Variants in VAC14 observed in about 807,000 individuals in gnomAD.
The protein encoded by VAC14 is protein VAC14 homolog.
Under a neutral mutation model 85.3 loss-of-function variants are expected in VAC14, and 47 were observed. That is an observed-to-expected ratio of 0.55 (90% CI 0.44 to 0.70). VAC14 has a LOEUF of 0.70. Ranked by LOEUF, VAC14 falls within the 30% of genes least tolerant of loss-of-function variation. The pLI is 0.00. For synonymous variants in VAC14, 447 were observed against 430.5 expected (o/e 1.04, Z -0.47); for missense variants, 861 against 1,004.3 (o/e 0.86, Z 1.93).
intron 9 of VAC14, chr16:70,778,506 A>G (rs2033640437): frequency 6.6e-6 from 1 of 152,182 alleles, no homozygotes; most frequent in Admixed American, 6.5e-5. Context: ...TCAACTAGGT[A>G]GTTTTTAGTA....
Position 70,762,965 on chromosome 16 carries a change from G to A in VAC14, c.1221C>T (p.His407=). The change falls in exon 11 of 19, where the codon CAC becomes CAT. Residue 407 remains histidine, a synonymous_variant. Coordinates refer to ENST00000261776, the MANE Select transcript of VAC14 (RefSeq NM_018052.5). This position sits in a 1 kb window ranked among gnomAD's most constrained non-coding sequence, Gnocchi z 4.1. ...TCATCCCAATGGCCGTGTCACTGAG[G>A]TGGCAGTTTAGGACCTGCACGATCC... ...LDGIVQVLNC[H]LSDTAIGMMT... 1 of 1,614,238 alleles carries A rather than the reference G, an allele frequency of 6.2e-7. No homozygotes were observed. The highest frequency in any genetic ancestry group is 1.3e-5 in the African/African-American group (1 of 75,060).
chr16:70,716,487 C>G (rs956390051), intron 14 of VAC14: 7 of 152,316 alleles, frequency 4.6e-5, no homozygotes, highest in African/African-American at 1.7e-4. Context: ...TTGGCCTGGC[C>G]CAGGCCCTCC....
chr16:70,738,819 G>A (rs181342001), intron 13 of VAC14, among the ~76,000 whole-genome samples: 106 of 152,360 alleles, frequency 7.0e-4, no homozygotes, highest in African/African-American at 2.5e-3. Context: ...GGCCTGCCAT[G>A]ACGCTATTCA....
chr16:70,799,807 T>C (rs1164498612), intron 1 of VAC14, among the ~76,000 whole-genome samples: 1 of 152,220 alleles, frequency 6.6e-6, no homozygotes, highest in Admixed American at 6.5e-5. Context: ...CATTCTGCAA[T>C]GATGGAAACA....
chr16:70,776,983 A>AT (rs2033553694), intron 9 of VAC14, among the ~76,000 whole-genome samples: 1 of 151,792 alleles, frequency 6.6e-6, no homozygotes, highest in Non-Finnish European at 1.5e-5. Flanking sequence ...AATTTTTTGT[A>AT]TTTTTAGTAG....
chr16:70,744,725 C>G (rs1597923099), intron 12 of VAC14, 146 bp from the exon 13 acceptor site: 1 of 914,210 alleles, frequency 1.1e-6, no homozygotes, highest in East Asian at 2.9e-5. Flanking sequence ...CCACTAAGGC[C>G]ACAGCTGGGG....
At chr16:70,705,978 T>G (rs2053913172) in intron 14 of VAC14, among the ~76,000 whole-genome samples, 1 of 152,180 alleles carries the variant, frequency 6.6e-6, no homozygotes, top group Non-Finnish European at 1.5e-5. Flanking sequence ...CAGGAAGGTC[T>G]CCTCCTACTG....
chr16:70,800,936 C>A lies in VAC14; in HGVS notation c.-36G>T. ...GGGGGAACCTCGCGACTCCTTAGCC[C>A]GCGGCTGCCGGGGCCGCGCCGGGGC... On this transcript the variant is annotated 5_prime_UTR_variant, in exon 1 of 19. Transcript: ENST00000261776. 2 of 1,504,924 alleles carry A rather than the reference C, an allele frequency of 1.3e-6. No individual in the cohort carries two copies. The highest frequency in any genetic ancestry group is 2.6e-5 in the East Asian group (1 of 38,734). The allele number at this position is 1,504,924 out of a possible 1,614,324, so 93.2% of individuals were successfully genotyped here. A position where few individuals can be genotyped will look rare whatever the true frequency, so the allele number is the denominator to read the frequency against.
At chr16:70,785,305 G>A (rs989007448) in intron 3 of VAC14, among the ~76,000 whole-genome samples, 5 of 152,232 alleles carry the variant, frequency 3.3e-5, no homozygotes, top group African/African-American at 1.2e-4. Context: ...GGCTGCAAGA[G>A]GCACGGAGGA....
intron 18 of VAC14, chr16:70,688,472 G>C (rs1260064248): frequency 7.0e-6 from 7 of 993,952 alleles, no homozygotes; most frequent in Non-Finnish European, 8.4e-6. Flanking sequence ...TGGGGAGAAG[G>C]GGGAGGTGGC....
In VAC14 at chr16:70,691,368, C is replaced by A. The variant is rs1370131985; in HGVS notation, c.2186+1453G>T. On this transcript the variant is annotated intron_variant, in intron 18 of 18. Coordinates refer to ENST00000261776, the MANE Select transcript of VAC14 (RefSeq NM_018052.5). The stretch of plus-strand genomic sequence containing the variant: ...CCTCCCTGCTTCCGGCTGCACCTTC[C>A]CCTCCTGGGTGCCTGCCAGGTTGAC... 4 of 985,368 alleles carry A rather than the reference C, an allele frequency of 4.1e-6. No homozygotes were observed. The African/African-American group carries it at 7.0e-5, about 17-fold the overall frequency. 61.0% of individuals were successfully genotyped at this position (985,368 alleles called of 1,614,324 possible). A position where few individuals can be genotyped will look rare whatever the true frequency, so the allele number is the denominator to read the frequency against.
chr16:70,704,795 T>A (rs1363849446), intron 14 of VAC14, among the ~76,000 whole-genome samples: 1 of 152,206 alleles, frequency 6.6e-6, no homozygotes, highest in Non-Finnish European at 1.5e-5. Context: ...CAGAGCCCCG[T>A]GCTGCAGGTG....
chr16:70,768,457 C>T (rs1056760162), intron 10 of VAC14: 2 of 191,188 alleles, frequency 1.0e-5, no homozygotes, highest in South Asian at 8.6e-5. Flanking sequence ...GGTTCCTTCA[C>T]GTTCCACCTC....
chr16:70,759,625 CA>C (rs940492164), intron 12 of VAC14, among the ~76,000 whole-genome samples: 1 of 151,826 alleles, frequency 6.6e-6, no homozygotes, highest in East Asian at 1.9e-4. Context: ...GATTCCATGT[CA>C]AAAAAACAAA....
At chr16:70,749,073 C>T (rs2031163275) in intron 12 of VAC14, among the ~76,000 whole-genome samples, 1 of 152,244 alleles carries the variant, frequency 6.6e-6, no homozygotes, top group South Asian at 2.1e-4. Context: ...CCTTGCCAGG[C>T]TGTTGTGAAG....
At position 70,744,525 on chromosome 16, in the gene VAC14, G is replaced by A; in HGVS notation, c.1426C>T (p.Gln476Ter). The change falls in exon 13 of 19, where the codon CAG (glutamine) becomes TAG (stop). Residue 476 changes from glutamine (Q) to a stop codon, truncating the protein, a stop_gained. Coordinates refer to ENST00000261776, the MANE Select transcript of VAC14 (RefSeq NM_018052.5). LOFTEE classifies it high-confidence loss of function. ...LAEIASSPAG[Q>*]TDDPGPLDGP... The stretch of plus-strand genomic sequence containing the variant: ...TCGAGGGGGCCTGGGTCATCCGTCT[G>A]GCCTGCGGGGGAGGAAGCGATTTCT... 1 of 1,611,580 alleles carries A rather than the reference G, an allele frequency of 6.2e-7. No homozygotes were observed. The highest frequency in any genetic ancestry group is 8.5e-7 in the Non-Finnish European group (1 of 1,179,292).
intron 14 of VAC14, among the ~76,000 whole-genome samples, chr16:70,713,155 A>G (rs1204880534): frequency 6.6e-6 from 1 of 152,226 alleles, no homozygotes; most frequent in Non-Finnish European, 1.5e-5. Context: ...AGCACGAAAA[A>G]AAAGGCCTGG....
chr16:70,726,766 G>A (rs1214937872), intron 14 of VAC14, among the ~76,000 whole-genome samples: 1 of 152,220 alleles, frequency 6.6e-6, no homozygotes, highest in East Asian at 1.9e-4. Flanking sequence ...CTGCTGCTAA[G>A]GAAAGGGCCT....
intron 16 of VAC14, among the ~76,000 whole-genome samples, chr16:70,696,238 C>A (rs768142733): frequency 6.6e-6 from 1 of 152,124 alleles, no homozygotes; most frequent in Non-Finnish European, 1.5e-5. Flanking sequence ...TCTGGCCAGG[C>A]GCGGTGGCTC....
Sources: allele counts gnomAD v4.1 joint callset (sites outside exome capture counted in the v4.1 genomes callset), GRCh38; gene constraint gnomAD v4.1.1; non-coding constraint Gnocchi (gnomAD v3.1); transcripts MANE v1.5; gene names NCBI Gene and HGNC (gene_info 2026-07-23, HGNC 2026-07-21).